DCTD: variants seen among roughly 807,000 people sequenced by gnomAD.
The protein encoded by DCTD is deoxycytidylate deaminase.
Under a neutral mutation model 21.0 loss-of-function variants are expected in DCTD, and 23 were observed. The observed-to-expected ratio is 1.09, with a 90% CI of 0.79 to 1.55. DCTD has a LOEUF of 1.55. Among genes scored for constraint, DCTD ranks in the 40% most tolerant of loss-of-function variants. The pLI, the probability that DCTD is intolerant of heterozygous loss-of-function variation, is 0.00. For missense variants in DCTD, 224 were observed against 230.0 expected (o/e 0.97, Z 0.17); for synonymous variants, 71 against 81.1 (o/e 0.88, Z 0.67).
intron 3 of DCTD, among the ~76,000 whole-genome samples, chr4:182,904,869 G>A (rs1736390179): frequency 6.6e-6 from 1 of 151,968 alleles, no homozygotes; most frequent in Non-Finnish European, 1.5e-5. Context: ...TATCAACCAG[G>A]GTGTCTGAGA....
intron 3 of DCTD, among the ~76,000 whole-genome samples, chr4:182,897,385 T>C (rs1327572692): frequency 6.6e-6 from 1 of 150,432 alleles, no homozygotes; most frequent in Non-Finnish European, 1.5e-5. Context: ...AAAGTATTTA[T>C]TAGATGGGAG....
chr4:182,891,434 A>G lies in DCTD; in HGVS notation c.502T>C (p.Ser168Pro), dbSNP rs757571244. 1 of 1,612,646 alleles carries G rather than the reference A, an allele frequency of 6.2e-7. No individual in the cohort carries two copies. The highest frequency in any genetic ancestry group is 8.5e-7 in the Non-Finnish European group (1 of 1,178,732). ...KCSKIVIDFDSINSRPSQKLQ is the reference protein window; with the variant it reads ...KCSKIVIDFDPINSRPSQKLQ ...TTTTGACTCGGTCTGCTGTTAATTG[A>G]ATCAAAGTCAATGACAATCTTGCTG... Residue 168 changes from serine to proline, a missense_variant, in exon 6 of 6, where the codon TCA (serine) becomes CCA (proline). Coordinates refer to ENST00000438320, the MANE Select transcript of DCTD (RefSeq NM_001921.3).
At chr4:182,902,337 A>G (rs1735891837) in intron 3 of DCTD, among the ~76,000 whole-genome samples, 1 of 152,238 alleles carries the variant, frequency 6.6e-6, no homozygotes, top group Non-Finnish European at 1.5e-5. Context: ...TCTCTCCTGC[A>G]TGAAGTTCCT....
intron 3 of DCTD, among the ~76,000 whole-genome samples, chr4:182,906,783 C>A (rs1250454623): frequency 6.6e-6 from 1 of 152,204 alleles, no homozygotes; most frequent in Admixed American, 6.5e-5. Flanking sequence ...GCTCAGTTAT[C>A]ATATTCAATA....
At chr4:182,907,256 C>T (rs1736885218) in intron 3 of DCTD, among the ~76,000 whole-genome samples, 2 of 152,168 alleles carry the variant, frequency 1.3e-5, no homozygotes, top group Admixed American at 1.3e-4. Flanking sequence ...CCACCTCAGC[C>T]TCCCTGGAGT....
At chr4:182,917,448 C>G (rs1035039983), upstream of DCTD, 1 of 498,126 alleles carries the variant, frequency 2.0e-6, no homozygotes, top group African/African-American at 2.3e-5. The surrounding 1 kb of genome is among the most constrained non-coding windows in gnomAD (Gnocchi z 4.9). Context: ...GTTCGCAGGA[C>G]GGCGGCTGGC....
intron 3 of DCTD, among the ~76,000 whole-genome samples, chr4:182,911,749 C>T (rs1024458872): frequency 6.6e-6 from 1 of 152,174 alleles, no homozygotes; most frequent in African/African-American, 2.4e-5. Flanking sequence ...TGGATAAATC[C>T]CATGTCCAGG....
chr4:182,901,843 T>C (rs893545554), intron 3 of DCTD, among the ~76,000 whole-genome samples: 21 of 152,074 alleles, frequency 1.4e-4, no homozygotes, highest in African/African-American at 5.1e-4. Flanking sequence ...ACAAAGCTTT[T>C]TGTCATTTCT....
chr4:182,894,676 A>C, intron 3 of DCTD, 71 bp from the exon 4 acceptor site: 1 of 889,344 alleles, frequency 1.1e-6, no homozygotes, highest in East Asian at 2.4e-5. Context: ...GTGTTAACAC[A>C]TTCCATTCCC....
At chr4:182,894,752 T>C (rs1160707100) in intron 3 of DCTD, 147 bp from the exon 4 acceptor site, 1 of 657,944 alleles carries the variant, frequency 1.5e-6, no homozygotes, top group African/African-American at 1.8e-5. Flanking sequence ...GTCCTAAGAA[T>C]ACCAAATGAG....
intron 3 of DCTD, among the ~76,000 whole-genome samples, chr4:182,908,810 T>G (rs1407269733): frequency 1.3e-5 from 2 of 152,210 alleles, no homozygotes; most frequent in Admixed American, 6.5e-5. Flanking sequence ...AGTTTGCATG[T>G]GCCCCTGACA....
At chr4:182,903,357 G>A (rs1736090923) in intron 3 of DCTD, among the ~76,000 whole-genome samples, 1 of 151,972 alleles carries the variant, frequency 6.6e-6, no homozygotes, top group African/African-American at 2.4e-5. Context: ...CCCAGGCAGA[G>A]TGTGGCCTTT....
chr4:182,897,924 C>T (rs1443599746), intron 3 of DCTD, among the ~76,000 whole-genome samples: 3 of 152,296 alleles, frequency 2.0e-5, no homozygotes, highest in South Asian at 4.1e-4. Flanking sequence ...ATCTCCATAG[C>T]CCTGAAACTC....
At chr4:182,895,472 C>T (rs1195044056) in intron 3 of DCTD, among the ~76,000 whole-genome samples, 1 of 152,210 alleles carries the variant, frequency 6.6e-6, no homozygotes, top group Admixed American at 6.5e-5. Flanking sequence ...CGGGTCACAT[C>T]CGGACCTGCC....
At chr4:182,902,509 A>AG (rs2152858687) in intron 3 of DCTD, among the ~76,000 whole-genome samples, 1 of 152,320 alleles carries the variant, frequency 6.6e-6, no homozygotes, top group South Asian at 2.1e-4. Context: ...CTCCTGGCTA[A>AG]GGCCCTGTCT....
intron 1 of DCTD, chr4:182,916,471 T>A (rs903843114): frequency 5.1e-5 from 50 of 985,464 alleles, no homozygotes; most frequent in Admixed American, 6.2e-5. Flanking sequence ...AAGGCAAGCA[T>A]CTCCCAAAAC....
In DCTD at chr4:182,893,242, T is replaced by A. The variant is rs1244590103; in HGVS notation, c.362-115A>T. 9 of 723,394 alleles carry A rather than the reference T, an allele frequency of 1.2e-5. No individual in the cohort carries two copies. In the East Asian group the frequency reaches 2.4e-4, roughly 19 times the overall value. The allele number at this position is 723,394 out of a possible 1,614,324, so 44.8% of individuals were successfully genotyped here. A position where few individuals can be genotyped will look rare whatever the true frequency, so the allele number is the denominator to read the frequency against. On this transcript the variant is annotated intron_variant, in intron 4 of 5. Transcript: ENST00000438320. Reference sequence around the variant, plus strand: ...TATGATTAATGACCTTTTCTGAGTGTGCTTGCAGACAGTGTCCAGTCACTG... The same window carrying A: ...TATGATTAATGACCTTTTCTGAGTGAGCTTGCAGACAGTGTCCAGTCACTG...
At chr4:182,904,201 G>A (rs56332630) in intron 3 of DCTD, among the ~76,000 whole-genome samples, 6,642 of 152,226 alleles carry the variant, frequency 0.044, 375 homozygotes, top group African/African-American at 0.13. Context: ...ATTTCTGACT[G>A]TGGTAAGGCC....
intron 3 of DCTD, among the ~76,000 whole-genome samples, chr4:182,901,718 C>T (rs1238486586): frequency 6.6e-6 from 1 of 151,662 alleles, no homozygotes; most frequent in Non-Finnish European, 1.5e-5. Flanking sequence ...TGGGTTCCCA[C>T]CCTGCAATTA....
Sources: allele counts gnomAD v4.1 joint callset (sites outside exome capture counted in the v4.1 genomes callset), GRCh38; gene constraint gnomAD v4.1.1; non-coding constraint Gnocchi (gnomAD v3.1); transcripts MANE v1.5; gene names NCBI Gene and HGNC (gene_info 2026-07-23, HGNC 2026-07-21).